DAB1: variants seen among roughly 807,000 people sequenced by gnomAD.
DAB1 encodes the protein DAB adaptor protein 1, also known as disabled homolog 1.
Under a neutral mutation model 64.6 loss-of-function variants are expected in DAB1, and 15 were observed. That is an observed-to-expected ratio of 0.23 (90% CI 0.16 to 0.36). DAB1 has a LOEUF of 0.36. DAB1 is among the 10% of genes least tolerant of loss of function. The probability of loss-of-function intolerance (pLI) is 1.00; values close to 1 mark genes in which losing one functional copy is unlikely to be tolerated. For missense variants in DAB1, 596 were observed against 706.7 expected (o/e 0.84, Z 1.78); for synonymous variants, 235 against 251.9 (o/e 0.93, Z 0.64).
chr1:57,071,177 G>A (rs965132702), intron 6 of DAB1, 116 bp from the exon 7 acceptor site: 6 of 1,015,696 alleles, frequency 5.9e-6, no homozygotes, highest in Admixed American at 4.6e-5. Context: ...AGAAGAGGCT[G>A]GTGGGCCATC....
intron 3 of DAB1, among the ~76,000 whole-genome samples, chr1:58,490,129 C>T (rs748012465): frequency 7.2e-5 from 11 of 151,976 alleles, no homozygotes; most frequent in African/African-American, 1.7e-4. Context: ...ATGCTTCAGA[C>T]GATCAAACTA....
At chr1:58,191,521 G>C (rs535049053) in intron 4 of DAB1, among the ~76,000 whole-genome samples, 1 of 152,298 alleles carries the variant, frequency 6.6e-6, no homozygotes, top group South Asian at 2.1e-4. Context: ...GGCCGAGAGA[G>C]GGGAACAGGA....
intron 5 of DAB1, among the ~76,000 whole-genome samples, chr1:57,998,689 T>G (rs999755080): frequency 7.2e-5 from 11 of 152,180 alleles, no homozygotes; most frequent in Admixed American, 5.2e-4. Context: ...AGATAAGACT[T>G]TCTAGAGTAG....
chr1:58,357,715 T>C (rs963708873), intron 3 of DAB1, among the ~76,000 whole-genome samples: 1 of 152,196 alleles, frequency 6.6e-6, no homozygotes, highest in Non-Finnish European at 1.5e-5. Flanking sequence ...AGCCTGATAA[T>C]GTGCATATCT....
intron 7 of DAB1, among the ~76,000 whole-genome samples, chr1:57,448,746 C>A (rs978474883): frequency 6.8e-6 from 1 of 148,140 alleles, no homozygotes; most frequent in Non-Finnish European, 1.5e-5. Flanking sequence ...TTCACAATAG[C>A]AAGTGTAGCA....
At chr1:57,364,537 C>G (rs1679813145) in intron 1 of DAB1, among the ~76,000 whole-genome samples, 1 of 151,928 alleles carries the variant, frequency 6.6e-6, no homozygotes, top group Admixed American at 6.6e-5. Flanking sequence ...GAAAGATAAA[C>G]TGAAAACTAT....
intron 3 of DAB1, among the ~76,000 whole-genome samples, chr1:58,495,582 A>G (rs529065768): frequency 3.9e-5 from 3 of 76,282 alleles, no homozygotes; most frequent in African/African-American, 1.0e-4. Context: ...TAAACAAACA[A>G]AACTGTATAT....
chr1:58,150,114 T>C (rs757347610), intron 5 of DAB1, among the ~76,000 whole-genome samples: 6 of 152,290 alleles, frequency 3.9e-5, no homozygotes, highest in South Asian at 4.1e-4. Context: ...AGTGTTAGTA[T>C]TCTCATTGTA....
chr1:57,196,872 T>C (rs1664665246), intron 2 of DAB1, among the ~76,000 whole-genome samples: 1 of 152,228 alleles, frequency 6.6e-6, no homozygotes, highest in Admixed American at 6.5e-5. Context: ...CAACTATACA[T>C]GATAATAACT....
Position 57,984,244 on chromosome 1 carries a change from GAAAGAAAGAAAGAA to G in DAB1, n.388-100096_388-100083del, listed in dbSNP as rs1277593653. ...AGAAAGAAAGAAAGAAAGAAAGAAA[GAAAGAAAGAAAGAA>G]AGAAAAAAAATTAAACAGCCAAACC... On this transcript the variant is annotated intron_variant and non_coding_transcript_variant, in intron 5 of 20. Coordinates refer to the DAB1 transcript ENST00000485760. Among the ~76,000 whole-genome samples, 249 of 142,258 alleles carry G rather than the reference GAAAGAAAGAAAGAA, an allele frequency of 1.8e-3. 5 individuals are homozygous for G. Among genetic ancestry groups the G allele is most frequent in the African/African-American group, 6.0e-3 (230 of 38,486 alleles). The allele number at this position is 142,258 out of a possible 152,430, so 93.3% of individuals were successfully genotyped here.
intron 5 of DAB1, among the ~76,000 whole-genome samples, chr1:57,988,876 T>G (rs2100367126): frequency 6.6e-6 from 1 of 152,286 alleles, no homozygotes; most frequent in East Asian, 1.9e-4. Flanking sequence ...TTGCTGAGGG[T>G]AGCTAAGAGG....
chr1:57,441,315 TTTCTTCTTTCCTCCTTC>T (rs1685948214), intron 7 of DAB1, among the ~76,000 whole-genome samples: 1 of 129,416 alleles, frequency 7.7e-6, no homozygotes, highest in East Asian at 2.3e-4. Flanking sequence ...TCTTTCTTTC[TTTCTTCTTTCCTCCTTC>T]TTCTTTCTTT....
intron 6 of DAB1, among the ~76,000 whole-genome samples, chr1:57,754,440 C>T (rs946485357): frequency 1.3e-5 from 2 of 151,952 alleles, no homozygotes; most frequent in African/African-American, 4.8e-5. Flanking sequence ...AATCCCAGCA[C>T]TTTGGGAGGC....
chr1:57,497,316 A>T (rs1644242322), intron 7 of DAB1, among the ~76,000 whole-genome samples: 1 of 152,110 alleles, frequency 6.6e-6, no homozygotes. Flanking sequence ...TCACAAGGAC[A>T]CTGATCAGGT....
chr1:57,012,654 T>A (rs1056164761), intron 12 of DAB1, among the ~76,000 whole-genome samples: 3 of 152,160 alleles, frequency 2.0e-5, no homozygotes, highest in Admixed American at 6.5e-5. Flanking sequence ...TGGAAAAAAA[T>A]TTGCAATGAA....
intron 4 of DAB1, among the ~76,000 whole-genome samples, chr1:58,189,115 T>C (rs1490213538): frequency 2.6e-5 from 4 of 152,228 alleles, no homozygotes; most frequent in Admixed American, 2.0e-4. Context: ...GTGTTAACTG[T>C]TGCATGGATT....
At chr1:58,367,034 G>A (rs930994379) in intron 3 of DAB1, among the ~76,000 whole-genome samples, 5 of 151,910 alleles carry the variant, frequency 3.3e-5, no homozygotes, top group Non-Finnish European at 7.4e-5. Flanking sequence ...TTTCTTAAAG[G>A]CATGAAAATA....
At chr1:57,123,499 C>T (rs180877418) in intron 4 of DAB1, among the ~76,000 whole-genome samples, 11 of 152,060 alleles carry the variant, frequency 7.2e-5, no homozygotes, top group East Asian at 3.9e-4. Context: ...GTAAAACAGA[C>T]GGCATCATAC....
At chr1:57,013,188 A>C (rs1277785351) in intron 12 of DAB1, among the ~76,000 whole-genome samples, 1 of 152,250 alleles carries the variant, frequency 6.6e-6, no homozygotes, top group East Asian at 1.9e-4. Context: ...GCTCTAAAAC[A>C]TAACAGTAGC....
Sources: allele counts gnomAD v4.1 joint callset (sites outside exome capture counted in the v4.1 genomes callset), GRCh38; gene constraint gnomAD v4.1.1; transcripts MANE v1.5; gene names NCBI Gene and HGNC (gene_info 2026-07-23, HGNC 2026-07-21).